Variants in GPR158 observed in about 807,000 individuals in gnomAD.
GPR158 encodes metabotropic glycine receptor.
A neutral mutation model predicts 78.2 loss-of-function variants in GPR158; 30 were observed. The ratio of observed to expected loss-of-function variants is 0.38; its 90% CI spans 0.29 to 0.52. The LOEUF is 0.52. Ranked by LOEUF, GPR158 falls within the 20% of genes least tolerant of loss-of-function variation. The pLI, the probability that GPR158 is intolerant of heterozygous loss-of-function variation, is 0.83. For synonymous variants in GPR158, 581 were observed against 591.1 expected (o/e 0.98, Z 0.25); for missense variants, 1,463 against 1,523.5 (o/e 0.96, Z 0.66).
chr10:25,436,869 A>G (rs1235536425), intron 4 of GPR158, among the ~76,000 whole-genome samples: 2 of 152,222 alleles, frequency 1.3e-5, no homozygotes, highest in African/African-American at 4.8e-5. Context: ...GTTTAGAGTA[A>G]GGAAAGAAGA....
intron 7 of GPR158, among the ~76,000 whole-genome samples, chr10:25,575,545 T>C (rs1268863189): frequency 6.6e-6 from 1 of 152,092 alleles, no homozygotes; most frequent in Admixed American, 6.5e-5. Context: ...CTCAGCAATC[T>C]GTGTTTCGTA....
intron 2 of GPR158, among the ~76,000 whole-genome samples, chr10:25,315,952 T>G (rs1420457095): frequency 6.6e-6 from 1 of 152,160 alleles, no homozygotes; most frequent in East Asian, 1.9e-4. Context: ...AGTTCTTTCA[T>G]GTTTAAAACT....
intron 2 of GPR158, among the ~76,000 whole-genome samples, chr10:25,269,701 T>C (rs1854090918): frequency 6.6e-6 from 1 of 152,154 alleles, no homozygotes; most frequent in African/African-American, 2.4e-5. Context: ...ACTGCAACCA[T>C]GTAATGAAAT....
chr10:25,425,809 C>G (rs143365771), intron 4 of GPR158, among the ~76,000 whole-genome samples: 4 of 152,206 alleles, frequency 2.6e-5, no homozygotes, highest in Admixed American at 2.6e-4. Flanking sequence ...GGTTGGCTAT[C>G]CAGCTTCCTT....
intron 5 of GPR158, among the ~76,000 whole-genome samples, chr10:25,489,891 A>G (rs769446419): frequency 1.3e-5 from 2 of 152,216 alleles, no homozygotes; most frequent in African/African-American, 2.4e-5. Context: ...AAAATTAAAA[A>G]GTTGAACTGT....
intron 3 of GPR158, among the ~76,000 whole-genome samples, chr10:25,410,952 CTGAGTATTATTAAAA>C (rs1267188558): frequency 6.6e-6 from 1 of 152,160 alleles, no homozygotes; most frequent in Non-Finnish European, 1.5e-5. Context: ...TTCTGTTAAA[CTGAGTATTATTAAAA>C]TGCTGTTACC....
intron 4 of GPR158, among the ~76,000 whole-genome samples, chr10:25,429,842 G>C (rs1169971310): frequency 7.0e-6 from 1 of 142,012 alleles, no homozygotes; most frequent in Admixed American, 7.1e-5. Flanking sequence ...AATAAATTAG[G>C]TATTGATGGG....
At chr10:25,384,927 A>G (rs1385910424) in intron 2 of GPR158, among the ~76,000 whole-genome samples, 1 of 152,184 alleles carries the variant, frequency 6.6e-6, no homozygotes, top group Non-Finnish European at 1.5e-5. Context: ...TGAACTAGAA[A>G]GATCATTTTG....
At chr10:25,473,298 A>T (rs1438644478) in intron 5 of GPR158, among the ~76,000 whole-genome samples, 1 of 152,094 alleles carries the variant, frequency 6.6e-6, no homozygotes, top group African/African-American at 2.4e-5. Flanking sequence ...CATCCCAGGG[A>T]TGAAGCCCAC....
At chr10:25,446,935 C>A (rs1048663713) in intron 4 of GPR158, among the ~76,000 whole-genome samples, 5 of 152,136 alleles carry the variant, frequency 3.3e-5, no homozygotes, top group African/African-American at 1.2e-4. Context: ...TTTAATACAG[C>A]AAATGGAATT....
At chr10:25,535,805 C>T (rs892818598) in intron 5 of GPR158, among the ~76,000 whole-genome samples, 2 of 152,226 alleles carry the variant, frequency 1.3e-5, no homozygotes, top group African/African-American at 4.8e-5. Flanking sequence ...ACCCCATTCT[C>T]AACTCCACAC....
At chr10:25,391,284 C>A (rs1834294405) in intron 2 of GPR158, among the ~76,000 whole-genome samples, 1 of 152,142 alleles carries the variant, frequency 6.6e-6, no homozygotes, top group Non-Finnish European at 1.5e-5. Flanking sequence ...GAGAAGAGGA[C>A]CACCATCCTC....
At chr10:25,225,927 AAGC>A (rs1344320790) in intron 2 of GPR158, among the ~76,000 whole-genome samples, 1 of 152,194 alleles carries the variant, frequency 6.6e-6, no homozygotes, top group African/African-American at 2.4e-5. Context: ...GATTCAAAGA[AAGC>A]AGAAAAACCC....
chr10:25,219,748 T>C (rs1269931027), intron 1 of GPR158, among the ~76,000 whole-genome samples: 3 of 152,184 alleles, frequency 2.0e-5, no homozygotes, highest in African/African-American at 7.2e-5. Flanking sequence ...CATTAAGCCA[T>C]GCTGTTAGAA....
intron 6 of GPR158, among the ~76,000 whole-genome samples, chr10:25,558,367 T>C (rs147663120): frequency 4.2e-4 from 64 of 152,368 alleles, no homozygotes; most frequent in Non-Finnish European, 7.5e-4. Flanking sequence ...AAATCTTGTA[T>C]ACCCTCAAGT....
chr10:25,455,137 G>A (rs1002949567), intron 4 of GPR158, among the ~76,000 whole-genome samples: 1 of 152,130 alleles, frequency 6.6e-6, no homozygotes, highest in African/African-American at 2.4e-5. Flanking sequence ...TAGAAAAGCA[G>A]GTTGGAAAAA....
rs1026897182 is a variant in GPR158, at chr10:25,209,561, C to T, written c.903-11491C>T. On this transcript the variant is annotated intron_variant, in intron 1 of 10. Transcript: ENST00000376351. The stretch of plus-strand genomic sequence containing the variant: ...AAGAGCCTTACATGTAGTAGGGACA[C>T]ACACACACAATTTATTTTAAAATCT... 2.6e-5 allele frequency among the ~76,000 whole-genome samples: 4 copies of T among 152,120 alleles called. No individual in the cohort carries two copies. In the South Asian group the frequency reaches 8.3e-4, roughly 31 times the overall value.
chr10:25,233,441 G>A (rs1853480370), intron 2 of GPR158, among the ~76,000 whole-genome samples: 2 of 152,140 alleles, frequency 1.3e-5, no homozygotes, highest in Admixed American at 6.5e-5. Context: ...ATTCTATTGA[G>A]TTGATTCTAT....
At chr10:25,256,547 C>T (rs1853890940) in intron 2 of GPR158, among the ~76,000 whole-genome samples, 2 of 151,822 alleles carry the variant, frequency 1.3e-5, no homozygotes, top group Non-Finnish European at 2.9e-5. Context: ...TGCACATGTC[C>T]TGTGGTCCTA....
Sources: allele counts gnomAD v4.1 joint callset (sites outside exome capture counted in the v4.1 genomes callset), GRCh38; gene constraint gnomAD v4.1.1; transcripts MANE v1.5; gene names NCBI Gene and HGNC (gene_info 2026-07-23, HGNC 2026-07-21).